Variants in PCDHGA9 observed in about 807,000 individuals in gnomAD.
PCDHGA9 encodes the protein protocadherin gamma-A9.
A neutral mutation model predicts 62.5 loss-of-function variants in PCDHGA9; 37 were observed. That is an observed-to-expected ratio of 0.59 (90% CI 0.46 to 0.78). The LOEUF (loss-of-function observed/expected upper bound fraction) is 0.78. Among genes scored for constraint, PCDHGA9 ranks in the 30% least tolerant of loss-of-function variants. PCDHGA9 has a pLI of 0.00. For synonymous variants in PCDHGA9, 459 were observed against 484.6 expected, an observed-to-expected ratio of 0.95 and a Z score of 0.69; for missense variants, 1,138 against 1,166.2, an observed-to-expected ratio of 0.98 and a Z score of 0.35.
intron 1 of PCDHGA9, among the ~76,000 whole-genome samples, chr5:141,482,940 G>T (rs1245833250): frequency 6.6e-6 from 1 of 152,026 alleles, no homozygotes; most frequent in East Asian, 1.9e-4. Context: ...AGGTGTGGTT[G>T]TGGGTGCCTG....
chr5:141,472,339 A>T (rs1330302365), intron 1 of PCDHGA9, among the ~76,000 whole-genome samples: 1 of 151,906 alleles, frequency 6.6e-6, no homozygotes, highest in Non-Finnish European at 1.5e-5. Flanking sequence ...TGGGAGATCG[A>T]GACCATCCTG....
chr5:141,475,981 G>A, intron 1 of PCDHGA9: 1 of 1,042,940 alleles, frequency 9.6e-7, no homozygotes, highest in Non-Finnish European at 1.4e-6. Context: ...CTGAACAGCC[G>A]GCGAGCAAAT....
chr5:141,452,054 C>T (rs578157525), intron 1 of PCDHGA9, among the ~76,000 whole-genome samples: 2 of 152,078 alleles, frequency 1.3e-5, no homozygotes, highest in Admixed American at 1.3e-4. Flanking sequence ...TTTGTAATAA[C>T]TTATTCTACT....
At chr5:141,495,164 C>T (rs1326419591) in intron 2 of PCDHGA9, among the ~76,000 whole-genome samples, 4 of 152,198 alleles carry the variant, frequency 2.6e-5, no homozygotes, top group Admixed American at 1.3e-4. Context: ...AAGCTGGTCT[C>T]TGGGTGAAAG....
rs762979829 is a variant in PCDHGA9, at chr5:141,432,863, T to A, written c.2424+27487T>A. 1 of 1,614,074 alleles carries A rather than the reference T, an allele frequency of 6.2e-7. No individual in the cohort carries two copies. Among genetic ancestry groups the A allele is most frequent in the East Asian group, 2.2e-5 (1 of 44,886 alleles). On this transcript the variant is annotated intron_variant, in intron 1 of 3. Coordinates refer to ENST00000573521, the MANE Select transcript of PCDHGA9 (RefSeq NM_018921.3). The surrounding 1 kb of genome is among the most constrained non-coding windows in gnomAD (Gnocchi z 6.0). ...GGTGGTAGCGGTGGCCGCGGTCTCCTGCGTCTTCCTGGCCTTCGTCATCTT... is the reference window on the plus strand; with the variant it reads ...GGTGGTAGCGGTGGCCGCGGTCTCCAGCGTCTTCCTGGCCTTCGTCATCTT...
At chr5:141,495,652 T>C (rs1403816239) in intron 2 of PCDHGA9, among the ~76,000 whole-genome samples, 2 of 152,336 alleles carry the variant, frequency 1.3e-5, no homozygotes, top group Admixed American at 6.5e-5. Context: ...CTACTTGCAT[T>C]GATCTGTGCC....
chr5:141,481,053 A>T (rs2099530801), intron 1 of PCDHGA9, among the ~76,000 whole-genome samples: 1 of 152,104 alleles, frequency 6.6e-6, no homozygotes, highest in Non-Finnish European at 1.5e-5. Flanking sequence ...GCGAGACTCC[A>T]CCTCAAAAAC....
chr5:141,476,897 A>G lies in PCDHGA9; in HGVS notation c.2425-17910A>G. ...CGTCCTGGAGGATGCACCCTCCGGC[A>G]CGCGCGTGGTACAAGTCCTTGCAAC... On this transcript the variant is annotated intron_variant, in intron 1 of 3. Coordinates refer to ENST00000573521, the MANE Select transcript of PCDHGA9 (RefSeq NM_018921.3). The surrounding 1 kb of genome is among the most constrained non-coding windows in gnomAD (Gnocchi z 7.6). 1 of 1,613,938 alleles carries G rather than the reference A, an allele frequency of 6.2e-7. No individual in the cohort carries two copies. Among genetic ancestry groups the G allele is most frequent in the Non-Finnish European group, 8.5e-7 (1 of 1,180,012 alleles).
intron 1 of PCDHGA9, among the ~76,000 whole-genome samples, chr5:141,458,227 G>T (rs2154566190): frequency 6.6e-6 from 1 of 152,284 alleles, no homozygotes; most frequent in South Asian, 2.1e-4. Context: ...TCCTTTCCCA[G>T]TCCATGCACC....
intron 1 of PCDHGA9, chr5:141,408,126 C>T: frequency 1.5e-5 from 22 of 1,479,600 alleles, no homozygotes; most frequent in Non-Finnish European, 1.6e-5. Flanking sequence ...TGTCCTGGGC[C>T]GAATGCTCTT....
At chr5:141,427,635 C>T in intron 1 of PCDHGA9, 1 of 706,280 alleles carries the variant, frequency 1.4e-6, no homozygotes, top group African/African-American at 1.7e-5. Context: ...TCCGGTTTTC[C>T]ACCAAGTCTC....
intron 1 of PCDHGA9, among the ~76,000 whole-genome samples, chr5:141,492,474 G>T (rs2099741007): frequency 6.6e-6 from 1 of 152,218 alleles, no homozygotes; most frequent in African/African-American, 2.4e-5. Context: ...CCCAGATCGC[G>T]GCCGCCCAGG....
chr5:141,448,669 G>A (rs553283446), intron 1 of PCDHGA9, among the ~76,000 whole-genome samples: 13 of 152,136 alleles, frequency 8.5e-5, no homozygotes, highest in African/African-American at 7.2e-5. Flanking sequence ...GGCCGGGCGC[G>A]GTGGCTCACG....
chr5:141,419,423 C>A, intron 1 of PCDHGA9: 1 of 1,613,368 alleles, frequency 6.2e-7, no homozygotes, highest in Non-Finnish European at 8.5e-7. Context: ...CGCCTTCGAC[C>A]ACGAGCAGCT....
At position 141,431,435 on chromosome 5, in the gene PCDHGA9, G is replaced by A. The variant is rs376827063; in HGVS notation, c.2424+26059G>A. ...GGGCGACCCGGTGCGCACAGGCACC[G>A]CGCGCATCCGCGTGATGGTTCTGGA... On this transcript the variant is annotated intron_variant, in intron 1 of 3. Coordinates refer to ENST00000573521, the MANE Select transcript of PCDHGA9 (RefSeq NM_018921.3). The surrounding 1 kb of genome is among the most constrained non-coding windows in gnomAD (Gnocchi z 4.8). 2.5e-6 allele frequency: 4 copies of A among 1,613,550 alleles called. No homozygotes were observed. Among genetic ancestry groups the A allele is most frequent in the Non-Finnish European group, 3.4e-6 (4 of 1,180,034 alleles).
chr5:141,428,658 T>C (rs932328483), intron 1 of PCDHGA9: 1 of 165,620 alleles, frequency 6.0e-6, no homozygotes, highest in Non-Finnish European at 1.3e-5. Context: ...TGAGTTCCAA[T>C]GAATGTCTTT....
Position 141,485,036 on chromosome 5 carries a change from C to A in PCDHGA9, c.2425-9771C>A. ...CGCCACCAGCAAAAACGGCGCGTAA[C>A]CCTTGCGGCGCCGGCCGAACCGCGC... On this transcript the variant is annotated intron_variant, in intron 1 of 3. Coordinates refer to ENST00000573521, the MANE Select transcript of PCDHGA9 (RefSeq NM_018921.3). The surrounding 1 kb of genome is among the most constrained non-coding windows in gnomAD (Gnocchi z 5.7). 1 of 698,458 alleles carries A rather than the reference C, an allele frequency of 1.4e-6. No individual in the cohort carries two copies. The highest frequency in any genetic ancestry group is 2.5e-6 in the Non-Finnish European group (1 of 399,316). The allele number at this position is 698,458 out of a possible 1,614,324, so 43.3% of individuals were successfully genotyped here. A position where few individuals can be genotyped will look rare whatever the true frequency, so the allele number is the denominator to read the frequency against.
chr5:141,458,553 T>G (rs987591790), intron 1 of PCDHGA9, among the ~76,000 whole-genome samples: 24 of 146,852 alleles, frequency 1.6e-4, no homozygotes, highest in Non-Finnish European at 2.5e-4. Flanking sequence ...TGTTTGTTTG[T>G]TTTGGTTTTG....
intron 1 of PCDHGA9, among the ~76,000 whole-genome samples, chr5:141,464,934 G>T (rs1353581045): frequency 1.3e-5 from 2 of 151,416 alleles, no homozygotes; most frequent in African/African-American, 4.8e-5. Flanking sequence ...GAGATGTGAG[G>T]TCTCACTATG....
Sources: allele counts gnomAD v4.1 joint callset (sites outside exome capture counted in the v4.1 genomes callset), GRCh38; gene constraint gnomAD v4.1.1; non-coding constraint Gnocchi (gnomAD v3.1); transcripts MANE v1.5; gene names NCBI Gene and HGNC (gene_info 2026-07-23, HGNC 2026-07-21).